PLCL2: variants seen among roughly 807,000 people sequenced by gnomAD.
PLCL2 encodes the protein inactive phospholipase C-like protein 2.
A neutral mutation model predicts 79.6 loss-of-function variants in PLCL2; 4 were observed. That is an observed-to-expected ratio of 0.05 (90% CI 0.02 to 0.11). The LOEUF (loss-of-function observed/expected upper bound fraction) is 0.11, where lower values mean the gene tolerates loss of function less well. Ranked by LOEUF, PLCL2 falls within the 10% of genes least tolerant of loss-of-function variation. The pLI is 1.00. For missense variants in PLCL2, 895 were observed against 1,291.0 expected, an observed-to-expected ratio of 0.69 and a Z score of 4.70; for synonymous variants, 484 against 457.7, an observed-to-expected ratio of 1.06 and a Z score of -0.73.
chr3:16,895,585 A>G (rs2124916978), intron 1 of PLCL2, among the ~76,000 whole-genome samples: 1 of 152,322 alleles, frequency 6.6e-6, no homozygotes, highest in African/African-American at 2.4e-5. Context: ...TTATATACTT[A>G]CCACACTGTC....
intron 3 of PLCL2, among the ~76,000 whole-genome samples, chr3:17,033,604 A>G (rs1339138534): frequency 1.3e-5 from 2 of 152,142 alleles, no homozygotes; most frequent in Admixed American, 1.3e-4. Context: ...TTACACACAC[A>G]CCCCTCAAAC....
intron 2 of PLCL2, among the ~76,000 whole-genome samples, chr3:17,013,555 A>G (rs1256165574): frequency 6.6e-6 from 1 of 152,224 alleles, no homozygotes; most frequent in African/African-American, 2.4e-5. Context: ...GTAACTGTCA[A>G]TATCAAAGTG....
chr3:17,047,988 C>T (rs1406407547), intron 4 of PLCL2, among the ~76,000 whole-genome samples: 2 of 152,202 alleles, frequency 1.3e-5, no homozygotes, highest in East Asian at 3.9e-4. Flanking sequence ...ATTTATCTTA[C>T]ATAAAAGAGG....
chr3:16,989,781 T>C (rs1029813602), intron 1 of PLCL2, among the ~76,000 whole-genome samples: 1 of 152,166 alleles, frequency 6.6e-6, no homozygotes, highest in South Asian at 2.1e-4. Context: ...ACAATAGCAA[T>C]AGAAGCATAA....
chr3:16,902,886 G>A (rs986969805), intron 1 of PLCL2, among the ~76,000 whole-genome samples: 4 of 149,212 alleles, frequency 2.7e-5, no homozygotes, highest in South Asian at 2.1e-4. Flanking sequence ...GTGTGTGNGC[G>A]CATGTGCATG....
intron 1 of PLCL2, among the ~76,000 whole-genome samples, chr3:16,893,477 G>T (rs918111481): frequency 6.6e-6 from 1 of 152,090 alleles, no homozygotes; most frequent in African/African-American, 2.4e-5. Flanking sequence ...TTTGGATATT[G>T]CAGATATTAA....
chr3:16,972,360 G>A (rs1458890068), intron 1 of PLCL2, among the ~76,000 whole-genome samples: 1 of 152,170 alleles, frequency 6.6e-6, no homozygotes, highest in African/African-American at 2.4e-5. Flanking sequence ...TTTGAGTGTG[G>A]TTGGTATGAT....
chr3:16,999,309 G>A (rs980562441), intron 1 of PLCL2, among the ~76,000 whole-genome samples: 10 of 152,128 alleles, frequency 6.6e-5, no homozygotes, highest in African/African-American at 1.9e-4. Context: ...AGAGGGTGAC[G>A]TTCATTCTGT....
At chr3:16,954,597 C>G (rs369702771) in intron 1 of PLCL2, among the ~76,000 whole-genome samples, 4 of 151,454 alleles carry the variant, frequency 2.6e-5, no homozygotes, top group East Asian at 1.9e-4. Context: ...CTGAGGAATC[C>G]CCACACTGAC....
At position 16,986,127 on chromosome 3, in the gene PLCL2, A is replaced by G. The variant is rs150836732; in HGVS notation, c.328-23547A>G. Among the ~76,000 whole-genome samples, 48 of 152,142 alleles carry G rather than the reference A, an allele frequency of 3.2e-4. 1 individual carries two copies. The East Asian group carries it at 7.9e-3, about 25-fold the overall frequency. On this transcript the variant is annotated intron_variant, in intron 1 of 5. Transcript: ENST00000615277. Reference sequence around the variant, plus strand: ...GGGAAAGCAGCCAGCCATCAACCCAACTGAGGAAAAAAAATGACTAGAAAT... The same window carrying G: ...GGGAAAGCAGCCAGCCATCAACCCAGCTGAGGAAAAAAAATGACTAGAAAT...
intron 1 of PLCL2, among the ~76,000 whole-genome samples, chr3:16,934,393 G>C (rs1292953634): frequency 6.6e-6 from 1 of 152,186 alleles, no homozygotes; most frequent in Non-Finnish European, 1.5e-5. Context: ...GGGTAGAATA[G>C]TGTGAGGAAC....
chr3:17,021,389 G>A (rs1375757364), intron 3 of PLCL2, among the ~76,000 whole-genome samples: 1 of 152,184 alleles, frequency 6.6e-6, no homozygotes, highest in Non-Finnish European at 1.5e-5. Context: ...ACGATACAGT[G>A]TGCTGGTAAC....
chr3:16,954,874 GT>G (rs2063689257), intron 1 of PLCL2, among the ~76,000 whole-genome samples: 2 of 152,134 alleles, frequency 1.3e-5, no homozygotes, highest in South Asian at 4.1e-4. Flanking sequence ...TGATGGGGTT[GT>G]TTGTATTTTC....
chr3:16,953,983 T>C (rs75957926), intron 1 of PLCL2, among the ~76,000 whole-genome samples: 9 of 152,276 alleles, frequency 5.9e-5, no homozygotes, highest in Middle Eastern at 3.4e-3. Context: ...TATTAAGATA[T>C]AATTTTTACT....
At chr3:16,930,432 C>T (rs1028176239) in intron 1 of PLCL2, among the ~76,000 whole-genome samples, 12 of 152,164 alleles carry the variant, frequency 7.9e-5, no homozygotes, top group African/African-American at 2.9e-4. Context: ...GTTATTTATT[C>T]TATCTGTAGA....
chr3:16,911,429 A>C (rs1002241780), intron 1 of PLCL2, among the ~76,000 whole-genome samples: 2 of 152,160 alleles, frequency 1.3e-5, no homozygotes, highest in Admixed American at 6.5e-5. Flanking sequence ...TTTAAAACTA[A>C]GGAGCAGACA....
At chr3:17,055,181 G>T (rs1403960545) in intron 4 of PLCL2, among the ~76,000 whole-genome samples, 1 of 152,148 alleles carries the variant, frequency 6.6e-6, no homozygotes, top group African/African-American at 2.4e-5. Context: ...CAGGAAACCT[G>T]CATCAGACTC....
intron 1 of PLCL2, among the ~76,000 whole-genome samples, chr3:16,885,745 G>A (rs1269278219): frequency 6.6e-6 from 1 of 152,218 alleles, no homozygotes; most frequent in African/African-American, 2.4e-5. Context: ...TATGTGAAAT[G>A]TGAGAACATT....
intron 3 of PLCL2, among the ~76,000 whole-genome samples, chr3:17,020,817 TC>T (rs1441623271): frequency 6.6e-6 from 1 of 152,192 alleles, no homozygotes; most frequent in African/African-American, 2.4e-5. Context: ...AAGGTTTTTT[TC>T]CTTACACAGA....
Sources: allele counts gnomAD v4.1 joint callset (sites outside exome capture counted in the v4.1 genomes callset), GRCh38; gene constraint gnomAD v4.1.1; transcripts MANE v1.5; gene names NCBI Gene and HGNC (gene_info 2026-07-23, HGNC 2026-07-21).